PTN: variants seen among roughly 807,000 people sequenced by gnomAD.
PTN encodes the protein heparin affin regulatory protein.
Under a neutral mutation model 24.1 loss-of-function variants are expected in PTN, and 18 were observed. That is an observed-to-expected ratio of 0.75 (90% CI 0.52 to 1.11). The LOEUF (loss-of-function observed/expected upper bound fraction) is 1.11, where lower values mean the gene tolerates loss of function less well. PTN is among the 50% of genes least tolerant of loss of function. PTN has a pLI of 0.00. For synonymous variants in PTN, 78 were observed against 68.6 expected (o/e 1.14, Z -0.67); for missense variants, 163 against 198.8 (o/e 0.82, Z 1.08).
chr7:137,312,762 C>G (rs768718745), intron 1 of PTN, among the ~76,000 whole-genome samples: 2 of 152,060 alleles, frequency 1.3e-5, no homozygotes, highest in Non-Finnish European at 2.9e-5. Flanking sequence ...TAAAGTTACA[C>G]TCCAGTTTAA....
chr7:137,330,944 C>T (rs1308542556), intron 1 of PTN, among the ~76,000 whole-genome samples: 1 of 152,128 alleles, frequency 6.6e-6, no homozygotes, highest in Non-Finnish European at 1.5e-5. Flanking sequence ...TCAATACTTC[C>T]TTTTTAGTGG....
rs145282343 is a variant in PTN, at chr7:137,251,647, A to G, written c.290-256T>C. On this transcript the variant is annotated intron_variant, in intron 3 of 4. Transcript: ENST00000348225. ...TACACTATTAATATACAGTCCCAAT[A>G]CAACAGTGGGTCATTCTTTATAGTC... Among the ~76,000 whole-genome samples the G allele has an allele frequency of 3.1e-3, 463 of 149,150 alleles. 20 individuals are homozygous for G. The highest frequency in any genetic ancestry group is 0.011 in the African/African-American group (442 of 38,584).
chr7:137,229,225 C>A (rs1243677893), intron 4 of PTN, among the ~76,000 whole-genome samples: 4 of 151,718 alleles, frequency 2.6e-5, no homozygotes, highest in African/African-American at 9.7e-5. Context: ...AGAGCAAGAA[C>A]AAGAGATCAT....
intron 1 of PTN, among the ~76,000 whole-genome samples, chr7:137,261,646 T>C (rs549421185): frequency 1.2e-4 from 19 of 152,192 alleles, no homozygotes; most frequent in Non-Finnish European, 2.5e-4. Flanking sequence ...GATCACATTT[T>C]TACGTGACAT....
chr7:137,235,334 G>T (rs1210363412), intron 4 of PTN, among the ~76,000 whole-genome samples: 1 of 152,074 alleles, frequency 6.6e-6, no homozygotes, highest in Non-Finnish European at 1.5e-5. Context: ...TGATAACAAG[G>T]CTTGTCGAAT....
At position 137,247,943 on chromosome 7, in the gene PTN, T is replaced by C. The variant is rs149069706; in HGVS notation, c.451+3287A>G. 1.1e-4 allele frequency among the ~76,000 whole-genome samples: 17 copies of C among 152,302 alleles called. No individual in the cohort carries two copies. The East Asian group carries it at 3.1e-3, about 28-fold the overall frequency. ...ACATGAATTTAGAGTTAGACAAATC[T>C]TGGCACTGTCATTTATTAGAGATAT... On this transcript the variant is annotated intron_variant, in intron 4 of 4. Transcript: ENST00000348225.
At chr7:137,267,398 G>GT (rs1185940407) in intron 1 of PTN, among the ~76,000 whole-genome samples, 3 of 151,834 alleles carry the variant, frequency 2.0e-5, no homozygotes, top group Admixed American at 2.0e-4. Context: ...AACTACTGTT[G>GT]GGGGGAAGGG....
At chr7:137,233,249 A>AT in intron 4 of PTN, among the ~76,000 whole-genome samples, 1 of 151,936 alleles carries the variant, frequency 6.6e-6, no homozygotes, top group Non-Finnish European at 1.5e-5. Context: ...CTAAGCCCTA[A>AT]TCTAGAGAAT....
At chr7:137,237,336 C>A (rs972494904) in intron 4 of PTN, among the ~76,000 whole-genome samples, 1 of 152,104 alleles carries the variant, frequency 6.6e-6, no homozygotes, top group African/African-American at 2.4e-5. Flanking sequence ...TGATCTCAGA[C>A]TTTCAGACTC....
chr7:137,281,153 C>T (rs546644694), intron 1 of PTN, among the ~76,000 whole-genome samples: 7 of 151,868 alleles, frequency 4.6e-5, no homozygotes, highest in Non-Finnish European at 7.4e-5. Flanking sequence ...AAATATGCCA[C>T]GTGACCTAAT....
chr7:137,255,985 G>A (rs930304642), intron 1 of PTN, among the ~76,000 whole-genome samples: 1 of 152,116 alleles, frequency 6.6e-6, no homozygotes, highest in Admixed American at 6.6e-5. Flanking sequence ...TTTTCCAGAG[G>A]TAGTACTAGA....
intron 1 of PTN, among the ~76,000 whole-genome samples, chr7:137,293,595 T>C (rs752422543): frequency 6.6e-6 from 1 of 152,110 alleles, no homozygotes; most frequent in Admixed American, 6.6e-5. Context: ...GGCAAACTCA[T>C]GTCCTGACTT....
chr7:137,272,695 C>A (rs1297033310), intron 1 of PTN, among the ~76,000 whole-genome samples: 1 of 152,168 alleles, frequency 6.6e-6, no homozygotes, highest in African/African-American at 2.4e-5. Context: ...AATTGACTTT[C>A]TTTTAAGGAG....
At chr7:137,318,914 C>A (rs1286233865) in intron 1 of PTN, 1 of 152,228 alleles carries the variant, frequency 6.6e-6, no homozygotes, top group African/African-American at 2.4e-5. Flanking sequence ...TCCCTCCCCA[C>A]TACCGTCACC....
intron 1 of PTN, among the ~76,000 whole-genome samples, chr7:137,335,121 C>G (rs887117611): frequency 8.1e-6 from 1 of 123,804 alleles, no homozygotes. Context: ...TGCAGCACAC[C>G]AGCATGGCAC....
In PTN at chr7:137,254,856, T is replaced by C. The variant is rs1808892596; in HGVS notation, c.115+3A>G. 4 of 1,542,846 alleles carry C rather than the reference T, an allele frequency of 2.6e-6. No individual in the cohort carries two copies. Among genetic ancestry groups the C allele is most frequent in the Non-Finnish European group, 3.5e-6 (4 of 1,128,428 alleles). On this transcript the variant is annotated splice_donor_region_variant and intron_variant, in intron 2 of 4. Coordinates refer to ENST00000348225, the MANE Select transcript of PTN (RefSeq NM_002825.7). ...ATCTTGCCTTCAGAACCCTACTGCT[T>C]ACCTGGTTTCTCTTTCTTCCCTGCT...
chr7:137,259,376 C>T lies in PTN; in HGVS notation c.-1-4402G>A, dbSNP rs1005055728. ...GGATCTGGAGGCAAAACCTTTGGCT[C>T]AAACTTCAGCTATACCACCTACTTT... On this transcript the variant is annotated intron_variant, in intron 1 of 4. Coordinates refer to ENST00000348225, the MANE Select transcript of PTN (RefSeq NM_002825.7). 1.6e-4 allele frequency among the ~76,000 whole-genome samples: 25 copies of T among 152,148 alleles called. No homozygotes were observed. In the East Asian group the frequency reaches 2.7e-3, roughly 16 times the overall value.
Position 137,272,081 on chromosome 7 carries a change from A to G in PTN, c.-1-17107T>C, listed in dbSNP as rs112368102. 5.0e-3 allele frequency among the ~76,000 whole-genome samples: 766 copies of G among 152,298 alleles called. 4 individuals carry two copies. The highest frequency in any genetic ancestry group is 0.017 in the African/African-American group (726 of 41,560). The stretch of plus-strand genomic sequence containing the variant: ...CCCTATACCAGCATGCCAAACACTG[A>G]CTGTTCCTTGGGTAAAAATAGCAAT... On this transcript the variant is annotated intron_variant, in intron 1 of 4. Coordinates refer to ENST00000348225, the MANE Select transcript of PTN (RefSeq NM_002825.7).
chr7:137,317,779 G>A (rs573445574), intron 1 of PTN, among the ~76,000 whole-genome samples: 38 of 152,240 alleles, frequency 2.5e-4, no homozygotes, highest in African/African-American at 6.3e-4. Flanking sequence ...GGGGGAAGGC[G>A]TCGTCCCTCT....
Sources: allele counts gnomAD v4.1 joint callset (sites outside exome capture counted in the v4.1 genomes callset), GRCh38; gene constraint gnomAD v4.1.1; transcripts MANE v1.5; gene names NCBI Gene and HGNC (gene_info 2026-07-23, HGNC 2026-07-21).